Variants in DGKH observed in about 807,000 individuals in gnomAD.
DGKH encodes DAG kinase eta.
A neutral mutation model predicts 159.3 loss-of-function variants in DGKH; 90 were observed. The observed-to-expected ratio is 0.57, with a 90% CI of 0.48 to 0.67. The LOEUF (loss-of-function observed/expected upper bound fraction) is 0.67, where lower values mean the gene tolerates loss of function less well. DGKH is among the 30% of genes least tolerant of loss of function. The pLI, the probability that DGKH is intolerant of heterozygous loss-of-function variation, is 0.00. For synonymous variants in DGKH, 536 were observed against 553.8 expected (o/e 0.97, Z 0.45); for missense variants, 1,181 against 1,506.1 (o/e 0.78, Z 3.57).
rs1448671188 is a variant in DGKH at position 42,159,304 on chromosome 13, G to A, written c.661G>A (p.Ala221Thr). The A allele has an allele frequency of 6.9e-7, 1 of 1,446,976 alleles. No homozygotes were observed. Among genetic ancestry groups the A allele is most frequent in the Admixed American group, 2.0e-5 (1 of 51,178 alleles). The allele number at this position is 1,446,976 out of a possible 1,614,324, so 89.6% of individuals were successfully genotyped here. ...FKAHKRCAVRATNNCKWTTLA... is the reference protein window; with the variant it reads ...FKAHKRCAVRTTNNCKWTTLA... ...GGCTCACAAAAGATGTGCAGTGAGA[G>A]CAACAAATAACTGTAAATGGACTAC... The change falls in exon 6 of 30, where the codon GCA (alanine) becomes ACA (threonine). Residue 221 changes from alanine to threonine, a missense_variant. This residue lies in a region of DGKH where 369 missense variants were observed against 519.4 expected (regional missense o/e 0.71). Transcript: ENST00000337343.
intron 1 of DGKH, among the ~76,000 whole-genome samples, chr13:42,073,955 G>A (rs931684888): frequency 1.3e-5 from 2 of 152,152 alleles, no homozygotes; most frequent in Non-Finnish European, 2.9e-5. Flanking sequence ...CTAGTACTCT[G>A]CTATGAAGCG....
At chr13:42,160,251 T>TA (rs1956147236) in intron 7 of DGKH, 115 bp downstream of exon 7, 1 of 1,387,834 alleles carries the variant, frequency 7.2e-7, no homozygotes, top group Non-Finnish European at 1.0e-6. Flanking sequence ...CCTGGTAGCA[T>TA]ACGCATCTCA....
intron 16 of DGKH, among the ~76,000 whole-genome samples, chr13:42,190,798 A>G (rs1032965803): frequency 6.6e-6 from 1 of 152,182 alleles, no homozygotes; most frequent in Non-Finnish European, 1.5e-5. Context: ...ATGATTAAAT[A>G]TGTTGGTTTT....
intron 5 of DGKH, among the ~76,000 whole-genome samples, chr13:42,156,982 C>A (rs1956063166): frequency 1.3e-5 from 2 of 152,220 alleles, no homozygotes; most frequent in South Asian, 4.1e-4. Context: ...CATAGAATCA[C>A]TATAAAAATT....
intron 29 of DGKH, among the ~76,000 whole-genome samples, chr13:42,226,193 A>G (rs1191559920): frequency 6.6e-6 from 1 of 152,246 alleles, no homozygotes; most frequent in East Asian, 1.9e-4. Flanking sequence ...CATATGAAAA[A>G]AAAGTTCAAC....
At chr13:42,207,113 C>CTT (rs57817448) in intron 21 of DGKH, among the ~76,000 whole-genome samples, 13,986 of 75,944 alleles carry the variant, frequency 0.18, 3,055 homozygotes, top group South Asian at 0.25. Context: ...TTCTTTCTTT[C>CTT]TCTTTCTCTC....
chr13:42,066,530 C>G (rs1381957531), intron 1 of DGKH: 1 of 152,166 alleles, frequency 6.6e-6, no homozygotes, highest in Non-Finnish European at 1.5e-5. Flanking sequence ...CTTCCTTATT[C>G]ATGGTTTCAG....
chr13:42,189,464 T>C (rs1462410842), intron 15 of DGKH, among the ~76,000 whole-genome samples, 155 bp downstream of exon 15: 1 of 152,174 alleles, frequency 6.6e-6, no homozygotes, highest in Non-Finnish European at 1.5e-5. Flanking sequence ...AACTTGTACA[T>C]AGTCTTATAT....
At chr13:42,207,129 CCT>C (rs1566192592) in intron 21 of DGKH, among the ~76,000 whole-genome samples, 10,668 of 26,714 alleles carry the variant, frequency 0.4, 2,608 homozygotes, top group Non-Finnish European at 0.46. Flanking sequence ...CTCTCTCCTT[CCT>C]TCCTTCCTTC....
At chr13:42,054,711 T>G (rs1344774943) in intron 1 of DGKH, among the ~76,000 whole-genome samples, 1 of 152,218 alleles carries the variant, frequency 6.6e-6, no homozygotes, top group African/African-American at 2.4e-5. Flanking sequence ...CATTGTATAC[T>G]TGAAAATTGC....
rs150464479 is a variant in DGKH, at chr13:42,176,038, C to T, written c.1452+1894C>T. Among the ~76,000 whole-genome samples, 138 of 152,190 alleles carry T rather than the reference C, an allele frequency of 9.1e-4. 1 individual carries two copies. Among genetic ancestry groups the T allele is most frequent in the African/African-American group, 3.3e-3 (135 of 41,514 alleles). On this transcript the variant is annotated intron_variant, in intron 12 of 29. Transcript: ENST00000337343. ...TCTTATTATTACTTACCTTTCTGAC[C>T]GTGCTAAGTGACTGCATAGTAGGTT...
chr13:42,124,972 C>T lies in DGKH; in HGVS notation c.193-2491C>T, dbSNP rs964685987. 3.3e-5 allele frequency among the ~76,000 whole-genome samples: 5 copies of T among 152,198 alleles called. No homozygotes were observed. In the East Asian group the frequency reaches 7.7e-4, roughly 23 times the overall value. The stretch of plus-strand genomic sequence containing the variant: ...CTTACCATTGCTTCTGTGTGGACTC[C>T]GACAGCTATAATTGGTTTAGATGTG... On this transcript the variant is annotated intron_variant, in intron 1 of 29. Coordinates refer to ENST00000337343, the MANE Select transcript of DGKH (RefSeq NM_178009.5).
At chr13:42,173,887 G>C (rs1343601911) in intron 11 of DGKH, among the ~76,000 whole-genome samples, 173 bp from the exon 12 acceptor site, 2 of 151,974 alleles carry the variant, frequency 1.3e-5, no homozygotes, top group Non-Finnish European at 2.9e-5. Flanking sequence ...ACTGAAATGT[G>C]ATCTCTTTTC....
intron 20 of DGKH, among the ~76,000 whole-genome samples, chr13:42,200,439 C>T (rs1957320541): frequency 6.6e-6 from 1 of 152,078 alleles, no homozygotes; most frequent in East Asian, 1.9e-4. Flanking sequence ...TTTATTTCTT[C>T]CAACAACAGA....
intron 30 of DGKH, among the ~76,000 whole-genome samples, chr13:42,254,851 G>C (rs1412277155): frequency 6.6e-6 from 1 of 151,960 alleles, no homozygotes; most frequent in Non-Finnish European, 1.5e-5. Flanking sequence ...TAGAATTAGA[G>C]ATCATTTTCA....
chr13:42,049,177 C>CGGGGCGGGGA (rs1881057764), intron 1 of DGKH, among the ~76,000 whole-genome samples: 2 of 10,558 alleles, frequency 1.9e-4, no homozygotes, highest in South Asian at 3.7e-3. Context: ...GGGGCGCGGG[C>CGGGGCGGGGA]GGGGCGGGGA....
At chr13:42,148,469 G>C (rs1466019063) in intron 3 of DGKH, among the ~76,000 whole-genome samples, 4 of 152,056 alleles carry the variant, frequency 2.6e-5, no homozygotes, top group African/African-American at 9.7e-5. Context: ...TCTTCATGGA[G>C]TGCTCCTATG....
intron 21 of DGKH, 52 bp downstream of exon 21, chr13:42,206,198 G>C: frequency 8.3e-7 from 1 of 1,200,058 alleles, no homozygotes; most frequent in Non-Finnish European, 1.1e-6. Flanking sequence ...TATATCACTG[G>C]AATAATTTGC....
intron 1 of DGKH, among the ~76,000 whole-genome samples, chr13:42,082,110 C>T (rs1444678539): frequency 1.3e-5 from 2 of 151,812 alleles, no homozygotes. Flanking sequence ...CATGTAGTCT[C>T]TCACACCTCC....
Sources: gnomAD v4.1 joint callset for allele counts (sites outside exome capture counted in the v4.1 genomes callset) on GRCh38, gnomAD v4.1.1 for gene constraint, gnomAD v4.1.1 regional missense constraint, MANE v1.5 for transcripts, NCBI Gene and HGNC (gene_info 2026-07-23, HGNC 2026-07-21) for gene names.